PRLR: variants seen among roughly 807,000 people sequenced by gnomAD.
PRLR encodes prolactin receptor, also known as hPRL receptor.
PRLR carries 13 observed loss-of-function variants against 40.2 expected under a neutral mutation model. That is an observed-to-expected ratio of 0.32 (90% CI 0.21 to 0.51). The LOEUF (loss-of-function observed/expected upper bound fraction) is 0.51. Ranked by LOEUF, PRLR falls within the 20% of genes least tolerant of loss-of-function variation. The pLI is 0.97. For synonymous variants in PRLR, 269 were observed against 278.7 expected (o/e 0.97, Z 0.35); for missense variants, 656 against 747.3 (o/e 0.88, Z 1.42).
intron 2 of PRLR, among the ~76,000 whole-genome samples, chr5:35,104,925 A>G (rs1263255248): frequency 1.3e-5 from 2 of 152,230 alleles, no homozygotes; most frequent in Admixed American, 6.5e-5. Flanking sequence ...TGCCTCCTCA[A>G]GTGGGTCCCT....
chr5:35,085,310 C>T (rs1465492501), intron 4 of PRLR, among the ~76,000 whole-genome samples: 1 of 152,078 alleles, frequency 6.6e-6, no homozygotes, highest in Non-Finnish European at 1.5e-5. Context: ...ACATGATGTC[C>T]CTTTGGATTT....
intron 1 of PRLR, among the ~76,000 whole-genome samples, chr5:35,201,918 C>G (rs1393853804): frequency 6.6e-6 from 1 of 152,174 alleles, no homozygotes; most frequent in East Asian, 1.9e-4. Flanking sequence ...GGCAATTTAT[C>G]AAACCTATTC....
At chr5:35,223,382 T>G (rs550303542) in intron 1 of PRLR, among the ~76,000 whole-genome samples, 1 of 152,330 alleles carries the variant, frequency 6.6e-6, no homozygotes, top group Non-Finnish European at 1.5e-5. Flanking sequence ...AGTCTTAAAC[T>G]AATTAAATGG....
intron 7 of PRLR, among the ~76,000 whole-genome samples, chr5:35,069,257 T>C (rs560508166): frequency 6.6e-6 from 1 of 152,134 alleles, no homozygotes; most frequent in South Asian, 2.1e-4. Flanking sequence ...TTATAAAAGA[T>C]AAGAAAACTG....
At chr5:35,149,793 A>G (rs945130374) in intron 1 of PRLR, among the ~76,000 whole-genome samples, 1 of 152,214 alleles carries the variant, frequency 6.6e-6, no homozygotes, top group Non-Finnish European at 1.5e-5. Context: ...GATTTGGTAC[A>G]TAAATTAATC....
rs1768902892 is a variant in PRLR at position 35,059,374 on chromosome 5, T to C, written c.*5715A>G. On this transcript the variant is annotated 3_prime_UTR_variant, in exon 10 of 10. Transcript: ENST00000618457. ...TACTTTCTAAATTGAAATCAGAGCA[T>C]TAAATCAAGGGAATTGATGTGGACA... 1 of 152,012 alleles carries C rather than the reference T, an allele frequency of 6.6e-6. No homozygotes were observed. Among genetic ancestry groups the C allele is most frequent in the Admixed American group, 6.6e-5 (1 of 15,260 alleles). 9.4% of individuals were successfully genotyped at this position (152,012 alleles called of 1,614,324 possible). A position where few individuals can be genotyped will look rare whatever the true frequency, so the allele number is the denominator to read the frequency against.
intron 2 of PRLR, among the ~76,000 whole-genome samples, chr5:35,112,572 G>A (rs1772728968): frequency 1.3e-5 from 2 of 152,016 alleles, no homozygotes; most frequent in Admixed American, 1.3e-4. Context: ...AAAGCACTGG[G>A]CTCAAGGTGA....
intron 1 of PRLR, among the ~76,000 whole-genome samples, chr5:35,186,718 G>A (rs1355198862): frequency 2.6e-5 from 4 of 152,102 alleles, no homozygotes; most frequent in African/African-American, 9.7e-5. Flanking sequence ...TCTGAGCTAG[G>A]GTGGCCCTGG....
rs1338638102 is a variant in PRLR, at chr5:35,066,025, C to G, written c.933G>C (p.Leu311=). 3 of 1,614,172 alleles carry G rather than the reference C, an allele frequency of 1.9e-6. No individual in the cohort carries two copies. The highest frequency in any genetic ancestry group is 1.7e-4 in the Middle Eastern group (1 of 6,054). The change falls in exon 10 of 10, where the codon CTG becomes CTC. Residue 311 remains leucine (L), a synonymous_variant. Coordinates refer to ENST00000618457, the MANE Select transcript of PRLR (RefSeq NM_000949.7). ...TATCATCTACTTCTAAATACTCCAC[C>G]AGCAAGTCCTCATAGTCAGAAGTGG... ...FPPTSDYEDL[L]VEYLEVDDSE... is the part of the protein sequence containing the mutation.
Position 35,062,764 on chromosome 5 carries a change from C to G in PRLR, c.*2325G>C, listed in dbSNP as rs892838701. On this transcript the variant is annotated 3_prime_UTR_variant, in exon 10 of 10. Transcript: ENST00000618457. ...ATGTCTCTCAAGGTAGATTATATTC[C>G]TTGGCCTTTCAGAAGTTGTGCGTAG... 2 of 152,108 alleles carry G rather than the reference C, an allele frequency of 1.3e-5. No individual in the cohort carries two copies. Among genetic ancestry groups the G allele is most frequent in the African/African-American group, 4.8e-5 (2 of 41,426 alleles). 9.4% of individuals were successfully genotyped at this position (152,108 alleles called of 1,614,324 possible). A position where few individuals can be genotyped will look rare whatever the true frequency, so the allele number is the denominator to read the frequency against.
intron 1 of PRLR, among the ~76,000 whole-genome samples, chr5:35,154,115 T>C (rs1774418299): frequency 6.6e-6 from 1 of 152,212 alleles, no homozygotes; most frequent in Non-Finnish European, 1.5e-5. Context: ...AAATAAAATA[T>C]ACTTGAATAT....
Position 35,148,282 on chromosome 5 carries a change from C to T in PRLR, c.-105-30160G>A, listed in dbSNP as rs1774244169. Among the ~76,000 whole-genome samples the T allele has an allele frequency of 3.3e-5, 5 of 152,066 alleles. No individual in the cohort carries two copies. In the South Asian group the frequency reaches 6.2e-4, roughly 19 times the overall value. ...TTATTCCATACAAACCAACAATATTCCAACCATTCAATTTGTGTTGAACTT... is the reference window on the plus strand; with the variant it reads ...TTATTCCATACAAACCAACAATATTTCAACCATTCAATTTGTGTTGAACTT... On this transcript the variant is annotated intron_variant, in intron 1 of 9. Coordinates refer to ENST00000618457, the MANE Select transcript of PRLR (RefSeq NM_000949.7).
At chr5:35,159,583 C>T (rs1436849085) in intron 1 of PRLR, among the ~76,000 whole-genome samples, 2 of 152,142 alleles carry the variant, frequency 1.3e-5, no homozygotes, top group Non-Finnish European at 2.9e-5. Flanking sequence ...CAGGCCTATC[C>T]AAGCAGTGGG....
At chr5:35,205,220 G>T (rs551049913) in intron 1 of PRLR, among the ~76,000 whole-genome samples, 97 of 151,984 alleles carry the variant, frequency 6.4e-4, no homozygotes, top group African/African-American at 2.2e-3. Flanking sequence ...TAGATTTCTG[G>T]GAAGAAGTTC....
At chr5:35,196,035 TAAATAAAATAAAATA>T (rs59078228) in intron 1 of PRLR, among the ~76,000 whole-genome samples, 8,244 of 148,436 alleles carry the variant, frequency 0.056, 548 homozygotes, top group East Asian at 0.34. Context: ...CGGCTCTCCC[TAAATAAAATAAAATA>T]AAATAAAATA....
intron 1 of PRLR, among the ~76,000 whole-genome samples, chr5:35,150,931 A>T (rs950132149): frequency 2.0e-5 from 3 of 152,182 alleles, no homozygotes; most frequent in African/African-American, 7.2e-5. Flanking sequence ...CAAGCTACTG[A>T]TAGTTGCTAA....
At chr5:35,144,222 G>T (rs1300734756) in intron 1 of PRLR, among the ~76,000 whole-genome samples, 1 of 151,280 alleles carries the variant, frequency 6.6e-6, no homozygotes, top group African/African-American at 2.4e-5. Context: ...TTAGCATACT[G>T]CTTGACACAC....
rs575264396 is a variant in PRLR at position 35,061,971 on chromosome 5, G to A, written c.*3118C>T. The stretch of plus-strand genomic sequence containing the variant: ...TAAAGATTAGTGCCTCATTCAATAT[G>A]TCTCTTCTCAATCTCCTGCCTCTTT... On this transcript the variant is annotated 3_prime_UTR_variant, in exon 10 of 10. Transcript: ENST00000618457. 1 of 152,174 alleles carries A rather than the reference G, an allele frequency of 6.6e-6. No individual in the cohort carries two copies. Among genetic ancestry groups the A allele is most frequent in the African/African-American group, 2.4e-5 (1 of 41,508 alleles). 9.4% of individuals were successfully genotyped at this position (152,174 alleles called of 1,614,324 possible).
chr5:35,130,160 C>T (rs1166565024), intron 1 of PRLR: 3 of 152,132 alleles, frequency 2.0e-5, no homozygotes, highest in Admixed American at 6.5e-5. Flanking sequence ...TTAATATTTG[C>T]CCTGGGATAT....
Sources: allele counts gnomAD v4.1 joint callset (sites outside exome capture counted in the v4.1 genomes callset), GRCh38; gene constraint gnomAD v4.1.1; transcripts MANE v1.5; gene names NCBI Gene and HGNC (gene_info 2026-07-23, HGNC 2026-07-21).